Variants in TTC23L observed in about 807,000 individuals in gnomAD.
The protein encoded by TTC23L is tetratricopeptide repeat protein 23-like.
A neutral mutation model predicts 48.1 loss-of-function variants in TTC23L; 42 were observed. The observed-to-expected ratio is 0.87, with a 90% CI of 0.68 to 1.13. The LOEUF is 1.13. Ranked by LOEUF, TTC23L falls within the 50% of genes most tolerant of loss-of-function variation. The probability of loss-of-function intolerance (pLI) is 0.00; values close to 1 mark genes in which losing one functional copy is unlikely to be tolerated. For missense variants in TTC23L, 391 were observed against 421.0 expected, an observed-to-expected ratio of 0.93 and a Z score of 0.62; for synonymous variants, 159 against 157.2, an observed-to-expected ratio of 1.01 and a Z score of -0.09.
At chr5:34,913,731 A>G in the TTC23L span, 1 of 594,728 alleles carries the variant, frequency 1.7e-6, no homozygotes, top group Non-Finnish European at 3.0e-6. Context: ...TCTTAGAGAC[A>G]TCCTTTGAAG....
At chr5:34,917,012 G>T in the TTC23L span, among the ~76,000 whole-genome samples, 1 of 152,150 alleles carries the variant, frequency 6.6e-6, no homozygotes, top group East Asian at 1.9e-4. Flanking sequence ...TGGAAGTGCA[G>T]GAGATATAGA....
downstream of TTC23L, among the ~76,000 whole-genome samples, chr5:34,903,824 T>C (rs1763567561): frequency 6.6e-6 from 1 of 152,182 alleles, no homozygotes; most frequent in South Asian, 2.1e-4. Flanking sequence ...ACAATTCTTC[T>C]GAATTAGCTA....
At chr5:34,898,361 C>T (rs1449209514) in intron 10 of TTC23L, among the ~76,000 whole-genome samples, 3 of 152,122 alleles carry the variant, frequency 2.0e-5, no homozygotes, top group African/African-American at 7.2e-5. Context: ...CTGTTAGTCT[C>T]ATAGACAAGC....
chr5:34,857,798 A>G (rs537757623), intron 4 of TTC23L, among the ~76,000 whole-genome samples: 3 of 152,298 alleles, frequency 2.0e-5, no homozygotes, highest in African/African-American at 7.2e-5. Flanking sequence ...AGATAAAGTA[A>G]CTTTTTCAAG....
chr5:34,852,213 A>C (rs1472991580), intron 4 of TTC23L, among the ~76,000 whole-genome samples: 1 of 152,140 alleles, frequency 6.6e-6, no homozygotes, highest in African/African-American at 2.4e-5. Context: ...GGAGAAGTAG[A>C]GAGTACAAAG....
At chr5:34,921,741 A>G in the TTC23L span, 10 of 152,518 alleles carry the variant, frequency 6.6e-5, no homozygotes, top group Non-Finnish European at 1.3e-4. Context: ...CCCCATCTCT[A>G]CTAAAAATAC....
chr5:34,866,852 G>A lies in TTC23L; in HGVS notation c.663-40G>A, dbSNP rs777973968. 6 of 1,510,368 alleles carry A rather than the reference G, an allele frequency of 4.0e-6. No individual in the cohort carries two copies. In the African/African-American group the frequency reaches 6.9e-5, roughly 17 times the overall value. 93.6% of individuals were successfully genotyped at this position (1,510,368 alleles called of 1,614,324 possible). On this transcript the variant is annotated intron_variant, in intron 6 of 10. Transcript: ENST00000505624. ...TCCTTTTGTGTCTGCAAAGTAAGTGGCCTCTCTGTGACTTTCTATTTTCAT... is the reference window on the plus strand; with the variant it reads ...TCCTTTTGTGTCTGCAAAGTAAGTGACCTCTCTGTGACTTTCTATTTTCAT...
intron 10 of TTC23L, among the ~76,000 whole-genome samples, chr5:34,897,393 TA>T (rs1032240949): frequency 4.7e-5 from 7 of 148,210 alleles, no homozygotes; most frequent in Middle Eastern, 3.5e-3. Flanking sequence ...TAAAGAAAAA[TA>T]AAAAAAAAAT....
intron 6 of TTC23L, among the ~76,000 whole-genome samples, chr5:34,866,588 A>G (rs1220720660): frequency 6.6e-6 from 1 of 152,190 alleles, no homozygotes; most frequent in Non-Finnish European, 1.5e-5. Context: ...TAGAAAGTCT[A>G]TGTTTATGGG....
chr5:34,867,133 G>A (rs1761115349), intron 7 of TTC23L, 64 bp downstream of exon 7: 4 of 1,508,336 alleles, frequency 2.7e-6, no homozygotes, highest in Non-Finnish European at 3.6e-6. Flanking sequence ...GGTTCTCAGG[G>A]CCAGGGAAGC....
intron 2 of TTC23L, among the ~76,000 whole-genome samples, chr5:34,843,973 A>G (rs534532220): frequency 2.6e-5 from 4 of 152,294 alleles, no homozygotes; most frequent in Non-Finnish European, 4.4e-5. Flanking sequence ...TAAAAAAATC[A>G]AACAACAATA....
intron 4 of TTC23L, among the ~76,000 whole-genome samples, chr5:34,852,985 G>A (rs148475553): frequency 5.3e-5 from 8 of 152,204 alleles, no homozygotes; most frequent in African/African-American, 1.9e-4. Context: ...GAACAGCATG[G>A]GAAAACCCTG....
chr5:34,911,762 TC>T, the TTC23L span: 34 of 1,614,014 alleles, frequency 2.1e-5, no homozygotes, highest in Non-Finnish European at 2.9e-5. Flanking sequence ...AGGAACAGCA[TC>T]AAAGGGTAAC....
chr5:34,888,059 G>A (rs147534887), intron 9 of TTC23L, among the ~76,000 whole-genome samples: 5,304 of 152,308 alleles, frequency 0.035, 130 homozygotes, highest in Middle Eastern at 0.058. Flanking sequence ...AGGTGACTAG[G>A]ACTCAAGGTG....
At position 34,867,014 on chromosome 5, in the gene TTC23L, C is replaced by T. The variant is rs776576080; in HGVS notation, c.785C>T (p.Ala262Val). 4.3e-6 allele frequency: 7 copies of T among 1,612,074 alleles called. No homozygotes were observed. The highest frequency in any genetic ancestry group is 1.6e-4 in the Middle Eastern group (1 of 6,084). The change falls in exon 7 of 11, where the codon GCT becomes GTT. Residue 262 changes from alanine (A) to valine (V), a missense_variant. Physicochemically the swap from Ala to Val is moderately conservative, Grantham distance 64. Transcript: ENST00000505624. ...CTGATCAGCCTGTACGAGGAAGCTG[C>T]TCAGATAGAGCAGCTGAGGAGGAAC...
At chr5:34,862,785 A>G in intron 4 of TTC23L, 113 bp from the exon 5 acceptor site, 2 of 1,251,062 alleles carry the variant, frequency 1.6e-6, no homozygotes, top group Admixed American at 2.3e-5. Context: ...AACCAATGCT[A>G]TAGACCATAC....
At chr5:34,890,193 C>T (rs1377711545) in intron 9 of TTC23L, among the ~76,000 whole-genome samples, 2 of 151,666 alleles carry the variant, frequency 1.3e-5, no homozygotes, top group Non-Finnish European at 2.9e-5. Flanking sequence ...ACCTGTAATC[C>T]CAGCACTTTG....
Position 34,845,403 on chromosome 5 carries a change from T to A in TTC23L, c.69-84T>A, listed in dbSNP as rs138496613. ...TAGAAATCATGTCCCTATCCCCTAG[T>A]TGGGAGAGCTATGCCCTTCAATTTT... On this transcript the variant is annotated intron_variant, in intron 2 of 10. Coordinates refer to ENST00000505624, the Ensembl canonical transcript of TTC23L. 1.3e-3 allele frequency: 1,836 copies of A among 1,376,962 alleles called. 17 individuals are homozygous for A. In the African/African-American group the frequency reaches 0.022, roughly 17 times the overall value. 85.3% of individuals were successfully genotyped at this position (1,376,962 alleles called of 1,614,324 possible).
At chr5:34,915,180 A>G in the TTC23L span, among the ~76,000 whole-genome samples, 3 of 152,220 alleles carry the variant, frequency 2.0e-5, no homozygotes, top group Non-Finnish European at 4.4e-5. Flanking sequence ...GTTGTGAAGA[A>G]TGAAGACACG....
Sources: allele counts gnomAD v4.1 joint callset (sites outside exome capture counted in the v4.1 genomes callset), GRCh38; gene constraint gnomAD v4.1.1; transcripts MANE v1.5; gene names NCBI Gene and HGNC (gene_info 2026-07-23, HGNC 2026-07-21).